The following CTNNA3 variants were observed in gnomAD, a reference collection of about 807,000 sequenced individuals.
The protein encoded by CTNNA3 is catenin alpha 3.
CTNNA3 carries 76 observed loss-of-function variants against 95.7 expected under a neutral mutation model. The ratio of observed to expected loss-of-function variants is 0.79; its 90% CI spans 0.66 to 0.96. The LOEUF is 0.96. Ranked by LOEUF, CTNNA3 falls within the 40% of genes least tolerant of loss-of-function variation. The pLI, the probability that CTNNA3 is intolerant of heterozygous loss-of-function variation, is 0.00. For synonymous variants in CTNNA3, 431 were observed against 374.4 expected (o/e 1.15, Z -1.74); for missense variants, 1,191 against 1,089.8 (o/e 1.09, Z -1.31).
intron 11 of CTNNA3, among the ~76,000 whole-genome samples, chr10:66,502,688 G>T (rs769844169): frequency 2.6e-5 from 4 of 151,738 alleles, no homozygotes; most frequent in Non-Finnish European, 4.4e-5. Flanking sequence ...CTTAACTACT[G>T]TGTTTGCTGC....
chr10:67,401,966 AAAG>A (rs1437795951), intron 5 of CTNNA3, among the ~76,000 whole-genome samples: 1 of 152,212 alleles, frequency 6.6e-6, no homozygotes, highest in African/African-American at 2.4e-5. Context: ...ACCACAATTA[AAAG>A]AATACCATCC....
At chr10:67,078,131 A>T (rs1463437329) in intron 7 of CTNNA3, among the ~76,000 whole-genome samples, 2 of 152,164 alleles carry the variant, frequency 1.3e-5, no homozygotes, top group Non-Finnish European at 2.9e-5. Flanking sequence ...AGGAGTAATA[A>T]CCTCTAACAA....
chr10:66,736,430 C>A (rs1849144561), intron 9 of CTNNA3, among the ~76,000 whole-genome samples: 1 of 151,754 alleles, frequency 6.6e-6, no homozygotes, highest in South Asian at 2.1e-4. Flanking sequence ...TGAGCTGAGG[C>A]AATCTGCCTG....
intron 5 of CTNNA3, among the ~76,000 whole-genome samples, chr10:67,495,436 C>T (rs1838992757): frequency 6.6e-6 from 1 of 152,200 alleles, no homozygotes; most frequent in African/African-American, 2.4e-5. Flanking sequence ...TAGGTCCATA[C>T]AGGGCCTGAG....
At chr10:67,151,739 T>C (rs753725767) in intron 7 of CTNNA3, among the ~76,000 whole-genome samples, 1 of 152,202 alleles carries the variant, frequency 6.6e-6, no homozygotes, top group Non-Finnish European at 1.5e-5. Flanking sequence ...CAGAGCAGCA[T>C]CCATATGTAC....
chr10:67,519,895 T>C (rs1298261332), intron 5 of CTNNA3, among the ~76,000 whole-genome samples: 1 of 152,164 alleles, frequency 6.6e-6, no homozygotes, highest in Non-Finnish European at 1.5e-5. Context: ...AGGAATAGAA[T>C]GCGAGATAAA....
intron 7 of CTNNA3, among the ~76,000 whole-genome samples, chr10:67,052,003 C>T (rs1855126408): frequency 6.6e-6 from 1 of 152,076 alleles, no homozygotes. Flanking sequence ...GACCCGCCCA[C>T]CTCAGCCTCC....
chr10:67,413,275 T>G (rs1270705247), intron 5 of CTNNA3, among the ~76,000 whole-genome samples: 1 of 152,064 alleles, frequency 6.6e-6, no homozygotes, highest in Non-Finnish European at 1.5e-5. Context: ...TCATCATTCA[T>G]TCTTCATTCA....
chr10:66,845,096 G>T (rs1382305982), intron 7 of CTNNA3, among the ~76,000 whole-genome samples: 5 of 152,120 alleles, frequency 3.3e-5, no homozygotes, highest in African/African-American at 1.2e-4. Flanking sequence ...ACTTTCTTTA[G>T]GAAATAAGAC....
At chr10:67,714,870 T>G (rs117075175) in intron 1 of CTNNA3, among the ~76,000 whole-genome samples, 6,349 of 152,306 alleles carry the variant, frequency 0.042, 180 homozygotes, top group South Asian at 0.1. Context: ...AAAGTTTCCC[T>G]GCACAAGTTC....
intron 11 of CTNNA3, among the ~76,000 whole-genome samples, chr10:66,386,794 T>C (rs1160656327): frequency 6.6e-6 from 1 of 152,034 alleles, no homozygotes; most frequent in Non-Finnish European, 1.5e-5. Flanking sequence ...TAATGCCACA[T>C]ATCTACAACC....
chr10:66,621,352 G>C (rs751094640), intron 10 of CTNNA3, among the ~76,000 whole-genome samples: 3 of 151,938 alleles, frequency 2.0e-5, no homozygotes, highest in African/African-American at 4.8e-5. Flanking sequence ...GGCTGGGCAC[G>C]GTGGCTCACG....
In CTNNA3 at chr10:66,873,583, C is replaced by G. The variant is rs185197896; in HGVS notation, c.1048-98059G>C. Among the ~76,000 whole-genome samples, 22 of 151,722 alleles carry G rather than the reference C, an allele frequency of 1.5e-4. No individual in the cohort carries two copies. The East Asian group carries it at 4.1e-3, about 28-fold the overall frequency. ...GGAGTAATTTGGTTTTTGCTTGTTTCAAAGAACCCAGAAATAAAGCCACAT... is the reference window on the plus strand; with the variant it reads ...GGAGTAATTTGGTTTTTGCTTGTTTGAAAGAACCCAGAAATAAAGCCACAT... On this transcript the variant is annotated intron_variant, in intron 7 of 17. Transcript: ENST00000433211.
At chr10:66,921,457 A>G (rs1232583121) in intron 7 of CTNNA3, among the ~76,000 whole-genome samples, 2 of 152,238 alleles carry the variant, frequency 1.3e-5, no homozygotes, top group African/African-American at 4.8e-5. Flanking sequence ...TAATAAAGCC[A>G]GTATTCTTAG....
intron 5 of CTNNA3, among the ~76,000 whole-genome samples, chr10:67,499,276 A>C (rs748879125): frequency 1.3e-5 from 2 of 152,218 alleles, no homozygotes; most frequent in Non-Finnish European, 2.9e-5. Flanking sequence ...CATCCCAGGT[A>C]TGAAGCCGAC....
chr10:66,622,851 A>G (rs1844799358), intron 9 of CTNNA3, among the ~76,000 whole-genome samples: 1 of 152,186 alleles, frequency 6.6e-6, no homozygotes, highest in Admixed American at 6.6e-5. Flanking sequence ...AATGTTATTT[A>G]AATGGATTTA....
intron 7 of CTNNA3, among the ~76,000 whole-genome samples, chr10:67,116,180 G>T (rs769605974): frequency 4.0e-5 from 6 of 151,634 alleles, no homozygotes; most frequent in African/African-American, 1.5e-4. Context: ...ATTTGAACAC[G>T]TGCCAGGAAA....
At chr10:67,667,620 C>T (rs944028682) in intron 1 of CTNNA3, among the ~76,000 whole-genome samples, 2 of 151,956 alleles carry the variant, frequency 1.3e-5, no homozygotes, top group Non-Finnish European at 2.9e-5. Flanking sequence ...GGTTATTTTC[C>T]TTTAAAGGGG....
chr10:66,285,976 A>G (rs185835455), intron 12 of CTNNA3, among the ~76,000 whole-genome samples: 2 of 152,142 alleles, frequency 1.3e-5, no homozygotes, highest in East Asian at 1.9e-4. Context: ...GCATGTCATT[A>G]TACTAAAATG....
Sources: allele counts gnomAD v4.1 joint callset (sites outside exome capture counted in the v4.1 genomes callset), GRCh38; gene constraint gnomAD v4.1.1; transcripts MANE v1.5; gene names NCBI Gene and HGNC (gene_info 2026-07-23, HGNC 2026-07-21).